Variants in NFIA observed in about 807,000 individuals in gnomAD.
The protein encoded by NFIA is nuclear factor 1 A-type.
In NFIA, 8 loss-of-function variants were observed where a neutral mutation model predicts 62.8. That is an observed-to-expected ratio of 0.13 (90% CI 0.07 to 0.23). The LOEUF (loss-of-function observed/expected upper bound fraction) is 0.23. Among genes scored for constraint, NFIA ranks in the 10% least tolerant of loss-of-function variants. The probability of loss-of-function intolerance (pLI) is 1.00; values close to 1 mark genes in which losing one functional copy is unlikely to be tolerated. For synonymous variants in NFIA, 235 were observed against 238.1 expected, an observed-to-expected ratio of 0.99 and a Z score of 0.12; for missense variants, 410 against 642.1, an observed-to-expected ratio of 0.64 and a Z score of 3.91.
intron 2 of NFIA, among the ~76,000 whole-genome samples, chr1:61,134,124 A>G (rs1026909879): frequency 2.0e-5 from 3 of 152,058 alleles, no homozygotes; most frequent in African/African-American, 7.2e-5. Context: ...CAAAAAACAA[A>G]AAGAGGAATA....
chr1:61,324,492 C>T (rs1422954695), intron 3 of NFIA, among the ~76,000 whole-genome samples: 1 of 152,172 alleles, frequency 6.6e-6, no homozygotes, highest in African/African-American at 2.4e-5. Context: ...CTGACAGCCC[C>T]TTGATATTCC....
intron 2 of NFIA, among the ~76,000 whole-genome samples, chr1:61,266,371 T>TTTTTA (rs145186533): frequency 0.047 from 7,178 of 151,836 alleles, 576 homozygotes; most frequent in African/African-American, 0.16. Flanking sequence ...CTTTCTTTAT[T>TTTTTA]TTTTATTTTA....
At chr1:61,352,149 G>A (rs1662577744) in intron 4 of NFIA, among the ~76,000 whole-genome samples, 1 of 152,192 alleles carries the variant, frequency 6.6e-6, no homozygotes, top group African/African-American at 2.4e-5. Context: ...CCAGAAAAGT[G>A]TAAGACCAAA....
chr1:61,247,078 G>A (rs1655691619), intron 2 of NFIA, among the ~76,000 whole-genome samples: 2 of 152,216 alleles, frequency 1.3e-5, no homozygotes, highest in South Asian at 4.1e-4. Context: ...ATCTGTTTTT[G>A]CATTCATTCT....
chr1:61,144,181 C>G (rs1327196111), intron 2 of NFIA, among the ~76,000 whole-genome samples: 1 of 152,160 alleles, frequency 6.6e-6, no homozygotes, highest in African/African-American at 2.4e-5. Context: ...GGATCAGTGG[C>G]ATTAGCATAA....
chr1:61,391,027 A>G (rs1569731824), intron 7 of NFIA, among the ~76,000 whole-genome samples: 2 of 149,726 alleles, frequency 1.3e-5, no homozygotes, highest in African/African-American at 5.0e-5. Flanking sequence ...CTCAGTATAT[A>G]TTTGATTTGT....
intron 2 of NFIA, chr1:61,124,788 A>G (rs904487486): frequency 2.6e-5 from 4 of 152,236 alleles, no homozygotes; most frequent in African/African-American, 9.6e-5. Context: ...ATGAGGCAGC[A>G]AACACCTTGC....
chr1:61,359,620 G>A (rs888524500), intron 6 of NFIA, among the ~76,000 whole-genome samples: 9 of 151,952 alleles, frequency 5.9e-5, no homozygotes, highest in African/African-American at 1.9e-4. Flanking sequence ...TTGCCCTGTC[G>A]CCCGGGCTGG....
At chr1:61,201,436 A>G (rs1383380441) in intron 2 of NFIA, among the ~76,000 whole-genome samples, 2 of 152,072 alleles carry the variant, frequency 1.3e-5, no homozygotes, top group Non-Finnish European at 2.9e-5. Flanking sequence ...CACATTAAGA[A>G]AATTATAAAG....
upstream of NFIA, chr1:61,081,958 C>T: frequency 2.6e-6 from 4 of 1,550,648 alleles, no homozygotes; most frequent in Non-Finnish European, 2.6e-6. Flanking sequence ...AAATGTGCCG[C>T]CCGGCCTCCT....
At chr1:61,087,495 A>G (rs1238683117) in intron 1 of NFIA, among the ~76,000 whole-genome samples, 1 of 152,038 alleles carries the variant, frequency 6.6e-6, no homozygotes, top group Admixed American at 6.6e-5. Context: ...TCTTTTGTAT[A>G]TGAACCTCCC....
chr1:61,428,339 A>G (rs773942809), intron 10 of NFIA, among the ~76,000 whole-genome samples: 3 of 151,580 alleles, frequency 2.0e-5, no homozygotes, highest in Non-Finnish European at 4.4e-5. Flanking sequence ...ACGCATCTGG[A>G]TGAATGATGT....
intron 2 of NFIA, among the ~76,000 whole-genome samples, chr1:61,115,203 A>G (rs912619253): frequency 6.6e-6 from 1 of 152,152 alleles, no homozygotes; most frequent in African/African-American, 2.4e-5. Flanking sequence ...CTGATCTTGA[A>G]TTCCTGACCT....
At chr1:61,389,463 A>G (rs1189179053) in intron 7 of NFIA, among the ~76,000 whole-genome samples, 1 of 152,182 alleles carries the variant, frequency 6.6e-6, no homozygotes, top group Admixed American at 6.5e-5. Context: ...CAGTGGGTAA[A>G]TAAGGGATAA....
At chr1:61,151,146 G>T (rs1648370329) in intron 2 of NFIA, among the ~76,000 whole-genome samples, 1 of 152,164 alleles carries the variant, frequency 6.6e-6, no homozygotes, top group South Asian at 2.1e-4. Context: ...CTGGGCTCAG[G>T]ATAGGCTGGA....
chr1:61,409,866 C>T (rs968166070), intron 9 of NFIA, among the ~76,000 whole-genome samples: 2 of 152,184 alleles, frequency 1.3e-5, no homozygotes, highest in Non-Finnish European at 1.5e-5. Context: ...CTTTGAAGCC[C>T]TTACAACCTA....
intron 2 of NFIA, among the ~76,000 whole-genome samples, chr1:61,126,672 G>A (rs1325712805): frequency 6.6e-6 from 1 of 151,722 alleles, no homozygotes; most frequent in East Asian, 1.9e-4. Flanking sequence ...AGGTGAACAG[G>A]ATAGGTTAAC....
chr1:61,327,032 A>AT (rs1557708367), intron 3 of NFIA, among the ~76,000 whole-genome samples: 9 of 46,784 alleles, frequency 1.9e-4, no homozygotes, highest in East Asian at 1.4e-3. Context: ...TTAAAAGAAA[A>AT]AAAAATATAT....
upstream of NFIA, among the ~76,000 whole-genome samples, chr1:61,081,082 T>G (rs1467359478): frequency 2.0e-5 from 3 of 152,138 alleles, no homozygotes; most frequent in Non-Finnish European, 4.4e-5. Flanking sequence ...TGTGCCAGTG[T>G]CTTTCAACAT....
Sources: allele counts gnomAD v4.1 joint callset (sites outside exome capture counted in the v4.1 genomes callset), GRCh38; gene constraint gnomAD v4.1.1; transcripts MANE v1.5; gene names NCBI Gene and HGNC (gene_info 2026-07-23, HGNC 2026-07-21).